The following TENM2 variants were observed in gnomAD, a reference collection of about 807,000 sequenced individuals.
TENM2 encodes teneurin-2.
TENM2 carries 52 observed loss-of-function variants against 245.2 expected under a neutral mutation model. The ratio of observed to expected loss-of-function variants is 0.21; its 90% CI spans 0.17 to 0.27. TENM2 has a LOEUF of 0.27. TENM2 is among the 10% of genes least tolerant of loss of function. TENM2 has a pLI of 1.00. For missense variants in TENM2, 3,046 were observed against 3,666.8 expected (o/e 0.83, Z 4.37); for synonymous variants, 1,363 against 1,438.9 (o/e 0.95, Z 1.19).
At chr5:167,269,247 A>T in the TENM2 span, among the ~76,000 whole-genome samples, 11 of 152,078 alleles carry the variant, frequency 7.2e-5, no homozygotes, top group Admixed American at 2.6e-4. Flanking sequence ...GGCCTTTTAA[A>T]CATTTTTCCC....
At position 167,868,931 on chromosome 5, in the gene TENM2, T is replaced by C. The variant is rs566820091; in HGVS notation, c.503-7055T>C. Reference sequence around the variant, plus strand: ...CTGGGTCCCTTGTCCCTACTGTCTGTCAAACACTGTTCTATGGGCTCTACA... The same window carrying C: ...CTGGGTCCCTTGTCCCTACTGTCTGCCAAACACTGTTCTATGGGCTCTACA... On this transcript the variant is annotated intron_variant, in intron 2 of 28. Transcript: ENST00000518659. 3.3e-5 allele frequency among the ~76,000 whole-genome samples: 5 copies of C among 152,258 alleles called. No homozygotes were observed. In the South Asian group the frequency reaches 8.3e-4, roughly 25 times the overall value.
chr5:168,158,288 C>A (rs1252086014), intron 12 of TENM2, among the ~76,000 whole-genome samples: 3 of 152,040 alleles, frequency 2.0e-5, no homozygotes, highest in Admixed American at 2.0e-4. Flanking sequence ...AAAAATTCTC[C>A]CTGGGAAGAG....
chr5:167,745,713 T>C (rs1251235148), intron 2 of TENM2, among the ~76,000 whole-genome samples: 1 of 152,206 alleles, frequency 6.6e-6, no homozygotes, highest in African/African-American at 2.4e-5. Flanking sequence ...GATCTACTTT[T>C]CTTGTCTCTA....
At chr5:168,228,846 C>CATTA (rs1192428461) in intron 25 of TENM2, among the ~76,000 whole-genome samples, 2 of 148,460 alleles carry the variant, frequency 1.3e-5, no homozygotes, top group South Asian at 4.2e-4. Context: ...CAATATATAA[C>CATTA]ATTAATTATA....
intron 5 of TENM2, among the ~76,000 whole-genome samples, chr5:168,016,781 A>T (rs1413892596): frequency 6.6e-6 from 1 of 151,978 alleles, no homozygotes; most frequent in African/African-American, 2.4e-5. Context: ...TGACTGCATG[A>T]CTCTGAGCAA....
chr5:167,981,035 C>T (rs1037821977), intron 4 of TENM2, among the ~76,000 whole-genome samples: 1 of 152,202 alleles, frequency 6.6e-6, no homozygotes, highest in African/African-American at 2.4e-5. Flanking sequence ...TCCACGTCTT[C>T]CAAGGACCTT....
chr5:167,667,272 G>A (rs1226089734), intron 2 of TENM2, among the ~76,000 whole-genome samples: 1 of 152,126 alleles, frequency 6.6e-6, no homozygotes, highest in East Asian at 1.9e-4. Context: ...CTGTATTGGT[G>A]TTGGCCGTAT....
chr5:168,195,137 T>G, intron 14 of TENM2, 39 bp from the exon 17 acceptor site: 1 of 1,559,868 alleles, frequency 6.4e-7, no homozygotes, highest in Non-Finnish European at 8.7e-7. Flanking sequence ...TCTGTTCTCC[T>G]GCATGTGGCT....
chr5:167,252,721 C>T, the TENM2 span, among the ~76,000 whole-genome samples: 1 of 152,250 alleles, frequency 6.6e-6, no homozygotes, highest in South Asian at 2.1e-4. Context: ...ATTAGCTCAG[C>T]AACCAGTGGT....
chr5:167,159,957 G>A, the TENM2 span, among the ~76,000 whole-genome samples: 3 of 152,166 alleles, frequency 2.0e-5, no homozygotes, highest in Non-Finnish European at 2.9e-5. Flanking sequence ...TTCAGAAAGT[G>A]GGGTGAAATG....
chr5:168,223,043 C>T (rs1163988115), intron 23 of TENM2, among the ~76,000 whole-genome samples: 1 of 152,236 alleles, frequency 6.6e-6, no homozygotes, highest in Non-Finnish European at 1.5e-5. Context: ...TTCACTCCTA[C>T]ATGCAGTCAT....
chr5:167,665,153 C>T (rs1489992158), intron 2 of TENM2, among the ~76,000 whole-genome samples: 1 of 152,174 alleles, frequency 6.6e-6, no homozygotes, highest in African/African-American at 2.4e-5. Flanking sequence ...TTTTACTCTT[C>T]TGAATCTCTG....
intron 2 of TENM2, among the ~76,000 whole-genome samples, chr5:167,526,324 G>A (rs1397351702): frequency 6.7e-6 from 1 of 148,480 alleles, no homozygotes; most frequent in Non-Finnish European, 1.5e-5. Flanking sequence ...AGCTACCTAT[G>A]TCAAAAACTA....
At chr5:167,442,583 G>GAA (rs141049715) in intron 2 of TENM2, among the ~76,000 whole-genome samples, 144 of 149,354 alleles carry the variant, frequency 9.6e-4, no homozygotes, top group African/African-American at 2.6e-3. Flanking sequence ...AATTTTATCA[G>GAA]AAAAAAAAAA....
chr5:167,906,665 A>G (rs920689326), intron 3 of TENM2, among the ~76,000 whole-genome samples: 1 of 152,216 alleles, frequency 6.6e-6, no homozygotes, highest in African/African-American at 2.4e-5. Context: ...CTGGGTGGGT[A>G]CACAACTCCA....
the TENM2 span, among the ~76,000 whole-genome samples, chr5:167,146,608 C>T: frequency 2.0e-5 from 3 of 152,158 alleles, no homozygotes; most frequent in Non-Finnish European, 4.4e-5. Flanking sequence ...TCTATACTTA[C>T]CAACTCAGAT....
chr5:167,580,747 C>T (rs1398185761), intron 2 of TENM2, among the ~76,000 whole-genome samples: 1 of 152,196 alleles, frequency 6.6e-6, no homozygotes, highest in African/African-American at 2.4e-5. Context: ...CCCAGCACTT[C>T]GGGAGGCCGA....
chr5:167,073,973 A>G, the TENM2 span, among the ~76,000 whole-genome samples: 1 of 152,130 alleles, frequency 6.6e-6, no homozygotes, highest in Admixed American at 6.5e-5. Context: ...GTTCTTTCTT[A>G]AGACACCTAC....
the TENM2 span, among the ~76,000 whole-genome samples, chr5:167,138,666 A>G: frequency 3.3e-5 from 5 of 152,140 alleles, no homozygotes; most frequent in Admixed American, 3.3e-4. Flanking sequence ...CTTGTCGCCC[A>G]GGCCACAGTG....
Sources: gnomAD v4.1 joint callset for allele counts (sites outside exome capture counted in the v4.1 genomes callset) on GRCh38, gnomAD v4.1.1 for gene constraint, MANE v1.5 for transcripts, NCBI Gene and HGNC (gene_info 2026-07-23, HGNC 2026-07-21) for gene names.